Variants in ELF1 observed in about 807,000 individuals in gnomAD.
ELF1 encodes the protein E74 like ETS transcription factor 1.
In ELF1, 24 loss-of-function variants were observed where a neutral mutation model predicts 59.9. The observed-to-expected ratio is 0.40, with a 90% CI of 0.29 to 0.56. The LOEUF (loss-of-function observed/expected upper bound fraction) is 0.56. ELF1 is among the 20% of genes least tolerant of loss of function. The pLI is 0.44. For synonymous variants in ELF1, 248 were observed against 266.2 expected (o/e 0.93, Z 0.67); for missense variants, 627 against 742.2 (o/e 0.84, Z 1.80).
At chr13:40,951,037 C>T (rs1223147211) in intron 4 of ELF1, among the ~76,000 whole-genome samples, 2 of 152,086 alleles carry the variant, frequency 1.3e-5, no homozygotes, top group African/African-American at 4.8e-5. Context: ...CATTTGGGCC[C>T]TTGATACCCT....
chr13:41,018,721 AAAAT>A (rs1338798955), intron 1 of ELF1, among the ~76,000 whole-genome samples: 2 of 152,138 alleles, frequency 1.3e-5, no homozygotes, highest in African/African-American at 4.8e-5. Flanking sequence ...GAGGGAGAAA[AAAAT>A]AAATAAATAA....
At chr13:41,002,754 C>T (rs1874535342) in intron 1 of ELF1, among the ~76,000 whole-genome samples, 1 of 152,132 alleles carries the variant, frequency 6.6e-6, no homozygotes, top group African/African-American at 2.4e-5. Flanking sequence ...ACTTTCCCTA[C>T]AGGCGCTTAC....
intron 2 of ELF1, 27 bp from the exon 3 acceptor site, chr13:40,959,043 G>A: frequency 6.4e-7 from 1 of 1,564,390 alleles, no homozygotes; most frequent in Non-Finnish European, 8.6e-7. Flanking sequence ...AGAGGAAAAT[G>A]AAAACAAAGG....
At position 41,000,728 on chromosome 13, in the gene ELF1, A is replaced by G. The variant is rs561022998; in HGVS notation, c.-228-18446T>C. On this transcript the variant is annotated intron_variant, in intron 1 of 8. Coordinates refer to ENST00000239882, the MANE Select transcript of ELF1 (RefSeq NM_172373.4). ...ATTTACTAGCAATACCTAATGTCTAATAAGTTCTTTATGGTTTACAAAGTA... is the reference window on the plus strand; with the variant it reads ...ATTTACTAGCAATACCTAATGTCTAGTAAGTTCTTTATGGTTTACAAAGTA... Among the ~76,000 whole-genome samples the G allele has an allele frequency of 3.3e-5, 5 of 152,288 alleles. No homozygotes were observed. In the East Asian group the frequency reaches 5.8e-4, roughly 18 times the overall value.
intron 1 of ELF1, among the ~76,000 whole-genome samples, chr13:41,001,486 A>G (rs1874442015): frequency 6.6e-6 from 1 of 152,104 alleles, no homozygotes; most frequent in African/African-American, 2.4e-5. Flanking sequence ...CAAATAGCAA[A>G]TAACAAAGCT....
At chr13:41,004,103 T>G (rs1365183629) in intron 1 of ELF1, among the ~76,000 whole-genome samples, 1 of 152,056 alleles carries the variant, frequency 6.6e-6, no homozygotes, top group Non-Finnish European at 1.5e-5. Context: ...TTACTGGGTA[T>G]ACAAAAATAA....
chr13:40,976,296 G>T (rs1872900801), intron 2 of ELF1, among the ~76,000 whole-genome samples: 1 of 152,112 alleles, frequency 6.6e-6, no homozygotes, highest in Non-Finnish European at 1.5e-5. Flanking sequence ...TAAAAGTTTT[G>T]GTACACTCTA....
chr13:40,993,201 C>T (rs1319762600), intron 1 of ELF1: 5 of 1,529,128 alleles, frequency 3.3e-6, no homozygotes, highest in Non-Finnish European at 4.5e-6. Flanking sequence ...TTTCTTCATT[C>T]CTAACAGTGA....
intron 2 of ELF1, among the ~76,000 whole-genome samples, chr13:40,976,393 C>T (rs1303322927): frequency 6.6e-6 from 1 of 152,192 alleles, no homozygotes; most frequent in Non-Finnish European, 1.5e-5. Flanking sequence ...GTGAAGCATT[C>T]CCAAAGTTGC....
At position 40,942,970 on chromosome 13, in the gene ELF1, G is replaced by T; in HGVS notation, c.788C>A (p.Thr263Asn). The part of the protein sequence containing the change: ...HKNKPDMNYE[T>N]MGRALRYYYQ... ...CGCATACCTGAGTGCTCTTCCCATGGTCTCATAATTCATATCAGGTTTGTT... is the reference window on the plus strand; with the variant it reads ...CGCATACCTGAGTGCTCTTCCCATGTTCTCATAATTCATATCAGGTTTGTT... The change falls in exon 7 of 9, where the codon ACC becomes AAC. Residue 263 changes from threonine (T) to asparagine (N), a missense_variant. This residue lies in a region of ELF1 where 34 missense variants were observed against 76.8 expected (regional missense o/e 0.44). Transcript: ENST00000239882. 1 of 1,596,940 alleles carries T rather than the reference G, an allele frequency of 6.3e-7. No homozygotes were observed. The highest frequency in any genetic ancestry group is 8.5e-7 in the Non-Finnish European group (1 of 1,170,524).
At chr13:41,056,278 C>A (rs1314288747) in intron 1 of ELF1, among the ~76,000 whole-genome samples, 2 of 152,196 alleles carry the variant, frequency 1.3e-5, no homozygotes, top group African/African-American at 2.4e-5. Flanking sequence ...GTCTTTCATG[C>A]CTGACTCCTT....
At chr13:41,008,588 A>G (rs949363043) in intron 1 of ELF1, among the ~76,000 whole-genome samples, 1 of 152,148 alleles carries the variant, frequency 6.6e-6, no homozygotes, top group African/African-American at 2.4e-5. Context: ...AAAAAAATCA[A>G]TCCATTCAAA....
intron 8 of ELF1, among the ~76,000 whole-genome samples, chr13:40,937,676 G>C (rs1233602108): frequency 6.6e-6 from 1 of 152,138 alleles, no homozygotes; most frequent in Non-Finnish European, 1.5e-5. Context: ...TCACCATGTT[G>C]GGAAGGCTGG....
chr13:40,981,937 AATC>A (rs763427150), intron 2 of ELF1, 43 bp downstream of exon 2: 1 of 1,578,880 alleles, frequency 6.3e-7, no homozygotes, highest in Non-Finnish European at 8.6e-7. Context: ...TGAATAGAAA[AATC>A]ATAATAAAGT....
chr13:40,955,704 G>A (rs1471750391), intron 3 of ELF1, among the ~76,000 whole-genome samples: 26 of 116,502 alleles, frequency 2.2e-4, no homozygotes, highest in African/African-American at 4.3e-4. Flanking sequence ...CTGGCCAGCC[G>A]CCCCATCCGG....
intron 2 of ELF1, among the ~76,000 whole-genome samples, chr13:40,970,648 G>A (rs901810912): frequency 6.6e-6 from 1 of 152,148 alleles, no homozygotes; most frequent in Non-Finnish European, 1.5e-5. Context: ...TAACCTCCGT[G>A]CCAAGAAAAC....
At chr13:41,027,994 GTCAA>G (rs1013970038) in intron 1 of ELF1, among the ~76,000 whole-genome samples, 1 of 152,208 alleles carries the variant, frequency 6.6e-6, no homozygotes. Context: ...ACAGCCAGGA[GTCAA>G]TATTCCTTGT....
chr13:40,933,861 T>C lies in ELF1; in HGVS notation c.1424A>G (p.Gln475Arg). The stretch of plus-strand genomic sequence containing the variant: ...ATTTTCTTTCAGTACTGTCATGGGC[T>C]GTGATGATGGAATGGCTTGTAAAAT... Reference protein sequence around the residue: ...KFILQAIPSSQPMTVLKENVM... With the variant: ...KFILQAIPSSRPMTVLKENVM... The change falls in exon 9 of 9, where the codon CAG becomes CGG. Residue 475 changes from glutamine (Q) to arginine (R), a missense_variant. Physicochemically the swap from Gln to Arg is conservative, Grantham distance 43 (BLOSUM62 1). Coordinates refer to ENST00000239882, the MANE Select transcript of ELF1 (RefSeq NM_172373.4). 1.9e-6 allele frequency: 3 copies of C among 1,614,242 alleles called. No individual in the cohort carries two copies. The highest frequency in any genetic ancestry group is 2.5e-6 in the Non-Finnish European group (3 of 1,180,048).
chr13:40,983,293 A>G (rs1482889537), intron 1 of ELF1, among the ~76,000 whole-genome samples: 6 of 152,224 alleles, frequency 3.9e-5, no homozygotes, highest in Admixed American at 2.0e-4. Context: ...GACTCCAAGG[A>G]AAGGATGGCC....
Sources: allele counts gnomAD v4.1 joint callset (sites outside exome capture counted in the v4.1 genomes callset), GRCh38; gene constraint gnomAD v4.1.1; regional missense constraint gnomAD v4.1.1; transcripts MANE v1.5; gene names NCBI Gene and HGNC (gene_info 2026-07-23, HGNC 2026-07-21).